SNTG1: variants seen among roughly 807,000 people sequenced by gnomAD.
SNTG1 encodes gamma-1-syntrophin.
SNTG1 carries 39 observed loss-of-function variants against 74.7 expected under a neutral mutation model. The ratio of observed to expected loss-of-function variants is 0.52; its 90% CI spans 0.40 to 0.68. SNTG1 has a LOEUF of 0.68. Ranked by LOEUF, SNTG1 falls within the 30% of genes least tolerant of loss-of-function variation. SNTG1 has a pLI of 0.00. For missense variants in SNTG1, 685 were observed against 609.5 expected (o/e 1.12, Z -1.30); for synonymous variants, 254 against 217.1 (o/e 1.17, Z -1.49).
intron 2 of SNTG1, among the ~76,000 whole-genome samples, chr8:50,267,101 A>G (rs551577230): frequency 6.6e-6 from 1 of 152,254 alleles, no homozygotes; most frequent in African/African-American, 2.4e-5. Flanking sequence ...ATATCTAAGC[A>G]AATAGTATAC....
At chr8:50,300,257 T>G (rs2089590114) in intron 2 of SNTG1, among the ~76,000 whole-genome samples, 1 of 152,158 alleles carries the variant, frequency 6.6e-6, no homozygotes, top group Non-Finnish European at 1.5e-5. Context: ...TATACTTATT[T>G]GTTTGCATCC....
At chr8:50,108,303 G>C (rs943736509) in intron 1 of SNTG1, among the ~76,000 whole-genome samples, 1 of 152,160 alleles carries the variant, frequency 6.6e-6, no homozygotes, top group Non-Finnish European at 1.5e-5. Context: ...TCAAGTTGCT[G>C]TTAGGGGAAT....
chr8:49,925,489 G>A (rs1270318988), intron 1 of SNTG1, among the ~76,000 whole-genome samples: 1 of 152,054 alleles, frequency 6.6e-6, no homozygotes, highest in Admixed American at 6.6e-5. Flanking sequence ...TGTGTGTGGA[G>A]TTCTGTGTGG....
intron 2 of SNTG1, among the ~76,000 whole-genome samples, chr8:50,341,050 T>G (rs2091301577): frequency 6.6e-6 from 1 of 151,860 alleles, no homozygotes; most frequent in Non-Finnish European, 1.5e-5. Flanking sequence ...ATTGTTTGAG[T>G]TTTACTTAAT....
rs551778346 is a variant in SNTG1 at position 50,756,797 on chromosome 8, C to T, written c.1395+4686C>T. The stretch of plus-strand genomic sequence containing the variant: ...TATTTTAGAATCAATTTGTCAATAT[C>T]CAAAATTACTTGCTGGAATTTTGAT... On this transcript the variant is annotated intron_variant, in intron 18 of 18. Coordinates refer to ENST00000642720, the MANE Select transcript of SNTG1 (RefSeq NM_018967.5). Among the ~76,000 whole-genome samples the T allele has an allele frequency of 1.1e-3, 162 of 151,692 alleles. 1 individual carries two copies. The highest frequency in any genetic ancestry group is 3.8e-3 in the African/African-American group (156 of 41,452).
chr8:50,137,059 T>G (rs1326638541), intron 1 of SNTG1, among the ~76,000 whole-genome samples: 1 of 152,152 alleles, frequency 6.6e-6, no homozygotes, highest in Non-Finnish European at 1.5e-5. Context: ...GAAAAATACC[T>G]GCTTCAGAAT....
At position 50,688,660 on chromosome 8, in the gene SNTG1, C is replaced by G. The variant is rs186468113; in HGVS notation, c.1039-15940C>G. ...TACCATGCTGTTTTGGTTACTGTAG[C>G]CTTGTAGTATAGTATGAAGTCAGGT... On this transcript the variant is annotated intron_variant, in intron 15 of 18. Coordinates refer to ENST00000642720, the MANE Select transcript of SNTG1 (RefSeq NM_018967.5). 3.0e-3 allele frequency among the ~76,000 whole-genome samples: 450 copies of G among 152,260 alleles called. 3 individuals carry two copies. The highest frequency in any genetic ancestry group is 0.01 in the African/African-American group (435 of 41,554).
intron 1 of SNTG1, among the ~76,000 whole-genome samples, chr8:50,150,038 C>T (rs1232276302): frequency 1.3e-5 from 2 of 151,606 alleles, no homozygotes; most frequent in Admixed American, 1.3e-4. Context: ...ATGGAATGTT[C>T]TTCCGTTTGT....
At chr8:50,756,933 G>A (rs908732148) in intron 18 of SNTG1, among the ~76,000 whole-genome samples, 4 of 151,612 alleles carry the variant, frequency 2.6e-5, no homozygotes, top group Non-Finnish European at 4.4e-5. Context: ...GTACTTCTTT[G>A]ATTTATCAGA....
chr8:50,776,943 TTC>T (rs983587290), intron 18 of SNTG1, among the ~76,000 whole-genome samples: 1 of 151,896 alleles, frequency 6.6e-6, no homozygotes, highest in African/African-American at 2.4e-5. Context: ...TGATGAGAAA[TTC>T]TCTGTCATTT....
At chr8:50,643,595 G>A (rs1230721390) in intron 13 of SNTG1, among the ~76,000 whole-genome samples, 3 of 152,212 alleles carry the variant, frequency 2.0e-5, no homozygotes, top group Non-Finnish European at 4.4e-5. Context: ...CTCGTGGTAT[G>A]TTTAGTTCAT....
At chr8:50,300,758 A>C (rs1330988716) in intron 2 of SNTG1, among the ~76,000 whole-genome samples, 2 of 152,190 alleles carry the variant, frequency 1.3e-5, no homozygotes, top group African/African-American at 4.8e-5. Flanking sequence ...GTTGTAAAGC[A>C]GGTGCTAGCA....
intron 9 of SNTG1, among the ~76,000 whole-genome samples, chr8:50,524,503 C>A (rs2094204796): frequency 6.6e-6 from 1 of 152,084 alleles, no homozygotes; most frequent in African/African-American, 2.4e-5. Flanking sequence ...CCATGTCAAT[C>A]ACATACACTG....
intron 1 of SNTG1, among the ~76,000 whole-genome samples, chr8:50,061,697 TTGAG>T (rs1346570579): frequency 6.6e-6 from 1 of 152,162 alleles, no homozygotes; most frequent in Non-Finnish European, 1.5e-5. Context: ...TTCATATTAA[TTGAG>T]TTTTATATAT....
intron 1 of SNTG1, among the ~76,000 whole-genome samples, chr8:50,020,482 A>G (rs542399501): frequency 2.0e-5 from 3 of 152,206 alleles, no homozygotes; most frequent in Non-Finnish European, 4.4e-5. Flanking sequence ...CAATGCAATC[A>G]TTTAGGAGAT....
intron 4 of SNTG1, among the ~76,000 whole-genome samples, chr8:50,406,813 TA>T (rs1349880518): frequency 6.6e-6 from 1 of 152,144 alleles, no homozygotes; most frequent in Non-Finnish European, 1.5e-5. Flanking sequence ...GTGTGCTTTT[TA>T]ATTTTTTTTC....
chr8:50,488,257 C>T (rs759591115), intron 8 of SNTG1, among the ~76,000 whole-genome samples: 4 of 152,036 alleles, frequency 2.6e-5, no homozygotes, highest in Non-Finnish European at 4.4e-5. Flanking sequence ...TTGCCACTGA[C>T]TATTTTAAGA....
intron 9 of SNTG1, among the ~76,000 whole-genome samples, chr8:50,518,964 A>C (rs1238424540): frequency 2.0e-5 from 3 of 152,190 alleles, no homozygotes; most frequent in Non-Finnish European, 2.9e-5. Flanking sequence ...TGAGGCCATT[A>C]TCATCCTAAT....
intron 2 of SNTG1, among the ~76,000 whole-genome samples, chr8:50,271,097 T>C (rs1050791468): frequency 1.3e-5 from 2 of 152,182 alleles, no homozygotes; most frequent in Non-Finnish European, 2.9e-5. Flanking sequence ...GCTTTGAGAT[T>C]GCATGATTAA....
Sources: gnomAD v4.1 joint callset for allele counts (sites outside exome capture counted in the v4.1 genomes callset) on GRCh38, gnomAD v4.1.1 for gene constraint, MANE v1.5 for transcripts, NCBI Gene and HGNC (gene_info 2026-07-23, HGNC 2026-07-21) for gene names.